Variants in FRY observed in about 807,000 individuals in gnomAD.
FRY encodes the protein protein furry homolog.
A neutral mutation model predicts 348.4 loss-of-function variants in FRY; 128 were observed. The ratio of observed to expected loss-of-function variants is 0.37; its 90% CI spans 0.32 to 0.43. The LOEUF (loss-of-function observed/expected upper bound fraction) is 0.43. Ranked by LOEUF, FRY falls within the 20% of genes least tolerant of loss-of-function variation. The probability of loss-of-function intolerance (pLI) is 1.00; values close to 1 mark genes in which losing one functional copy is unlikely to be tolerated. For missense variants in FRY, 2,736 were observed against 3,695.2 expected, an observed-to-expected ratio of 0.74 and a Z score of 6.73; for synonymous variants, 1,370 against 1,374.7, an observed-to-expected ratio of 1.00 and a Z score of 0.08.
chr13:32,268,743 C>G (rs1888072094), intron 55 of FRY, among the ~76,000 whole-genome samples: 1 of 151,690 alleles, frequency 6.6e-6, no homozygotes, highest in Non-Finnish European at 1.5e-5. Context: ...AGCATGATCT[C>G]AGCTCACTCT....
intron 56 of FRY, among the ~76,000 whole-genome samples, chr13:32,276,104 CTT>C (rs1320280685): frequency 6.6e-6 from 1 of 152,090 alleles, no homozygotes; most frequent in Non-Finnish European, 1.5e-5. Flanking sequence ...GTTTGAAAGT[CTT>C]TTTGGAGGTT....
chr13:32,247,446 A>G lies in FRY; in HGVS notation c.6952A>G (p.Ser2318Gly). 6.2e-7 allele frequency: 1 copy of G among 1,613,446 alleles called. No individual in the cohort carries two copies. The highest frequency in any genetic ancestry group is 8.5e-7 in the Non-Finnish European group (1 of 1,179,340). ...AATAGAAATACATCGAGTGTGGACT[A>G]GTGCTTCCAAGGAATTACCTGGGAA... ...SKIEIHRVWT[S>G]ASKELPGKTL... is the part of the protein sequence containing the mutation. Residue 2318 changes from serine (S) to glycine (G), a missense_variant, in exon 48 of 61, where the codon AGT becomes GGT. Transcript: ENST00000542859.
At chr13:32,055,567 T>C (rs1286537652) in intron 1 of FRY, among the ~76,000 whole-genome samples, 1 of 152,182 alleles carries the variant, frequency 6.6e-6, no homozygotes, top group African/African-American at 2.4e-5. Flanking sequence ...AGTCTGTACA[T>C]TTTATAAAGC....
intron 41 of FRY, among the ~76,000 whole-genome samples, chr13:32,232,295 A>G (rs941554318): frequency 6.6e-6 from 1 of 152,228 alleles, no homozygotes; most frequent in Non-Finnish European, 1.5e-5. Context: ...CTTGGAGGGT[A>G]CTTCAGGCTG....
rs535428329 is a variant in FRY at position 32,219,176 on chromosome 13, C to A, written c.4765+345C>A. 6.7e-5 allele frequency among the ~76,000 whole-genome samples: 10 copies of A among 150,070 alleles called. No individual in the cohort carries two copies. In the South Asian group the frequency reaches 1.9e-3, roughly 28 times the overall value. On this transcript the variant is annotated intron_variant, in intron 36 of 60. Transcript: ENST00000542859. The stretch of plus-strand genomic sequence containing the variant: ...CCATCTCAGCTCACTGCAAGCTCCG[C>A]CTTCTGGGTTCAAGTCATGTTCCTG...
chr13:32,113,459 A>T (rs1470096554), intron 3 of FRY, among the ~76,000 whole-genome samples: 1 of 152,226 alleles, frequency 6.6e-6, no homozygotes, highest in East Asian at 1.9e-4. Context: ...ATTTATACAT[A>T]AACTGCCAAA....
intron 36 of FRY, among the ~76,000 whole-genome samples, chr13:32,223,034 A>C (rs1438638637): frequency 2.6e-5 from 4 of 151,870 alleles, no homozygotes; most frequent in African/African-American, 9.7e-5. Context: ...GCTCACTGCA[A>C]CCTCCACATC....
At chr13:32,095,528 A>G (rs747478249) in intron 2 of FRY, among the ~76,000 whole-genome samples, 3 of 151,902 alleles carry the variant, frequency 2.0e-5, no homozygotes, top group Non-Finnish European at 4.4e-5. Context: ...TATTTTTGGT[A>G]GAGACGGGAT....
At chr13:32,060,996 G>C in intron 1 of FRY, 1 of 460,330 alleles carries the variant, frequency 2.2e-6, no homozygotes, top group East Asian at 6.6e-5. Flanking sequence ...GACACTTATG[G>C]TGGCAGTGAG....
In FRY at chr13:32,267,338, T is replaced by C; in HGVS notation, c.8115T>C (p.His2705=). 2 of 1,614,126 alleles carry C rather than the reference T, an allele frequency of 1.2e-6. No homozygotes were observed. Among genetic ancestry groups the C allele is most frequent in the Non-Finnish European group, 1.7e-6 (2 of 1,179,964 alleles). The stretch of plus-strand genomic sequence containing the variant: ...GCTCCTGTGCTGTGTATACATTTCA[T>C]GTGTTCTCCTCCTTGTTTAAGGTAT... ...SDGSCAVYTF[H]VFSSLFKNIQ... is the part of the protein sequence containing the mutation. The change falls in exon 55 of 61, where the codon CAT becomes CAC. Residue 2705 remains histidine, a synonymous_variant. Coordinates refer to ENST00000542859, the MANE Select transcript of FRY (RefSeq NM_023037.3).
intron 1 of FRY, among the ~76,000 whole-genome samples, chr13:32,042,664 A>T (rs1872806744): frequency 6.6e-6 from 1 of 152,132 alleles, no homozygotes; most frequent in African/African-American, 2.4e-5. Context: ...TTAAGTCAGG[A>T]AGGAAGGAGG....
At chr13:32,257,925 C>T (rs1887419758) in intron 51 of FRY, 1 of 1,581,588 alleles carries the variant, frequency 6.3e-7, no homozygotes. Flanking sequence ...GTAAATAGAC[C>T]TTTTGTTTGT....
chr13:32,264,029 G>A (rs533651861), intron 53 of FRY, among the ~76,000 whole-genome samples: 59 of 152,184 alleles, frequency 3.9e-4, no homozygotes, highest in African/African-American at 1.3e-3. Context: ...TAATACCTAC[G>A]TAATAGATCT....
intron 58 of FRY, 69 bp from the exon 59 acceptor site, chr13:32,289,564 G>A (rs543313414): frequency 4.7e-4 from 451 of 956,996 alleles, no homozygotes; most frequent in Middle Eastern, 1.7e-3. Flanking sequence ...TCTCCATTGA[G>A]ATTTCACTAG....
intron 49 of FRY, among the ~76,000 whole-genome samples, chr13:32,250,064 G>T (rs1177902040): frequency 6.6e-6 from 1 of 152,160 alleles, no homozygotes; most frequent in Non-Finnish European, 1.5e-5. Flanking sequence ...CTCCCAAAGG[G>T]TTGATAGGGC....
rs190039036 is a variant in FRY at position 32,227,896 on chromosome 13, T to C, written c.5207-560T>C. Among the ~76,000 whole-genome samples, 526 of 151,946 alleles carry C rather than the reference T, an allele frequency of 3.5e-3. 8 individuals are homozygous for C. The highest frequency in any genetic ancestry group is 0.012 in the African/African-American group (479 of 41,430). On this transcript the variant is annotated intron_variant, in intron 39 of 60. Coordinates refer to ENST00000542859, the MANE Select transcript of FRY (RefSeq NM_023037.3). ...CCTCCCGAGTAGCTGGGACTACAGG[T>C]GCCGACCACCACGCTCGGCTAATTT...
chr13:32,176,194 T>C (rs1207695447), intron 20 of FRY, among the ~76,000 whole-genome samples: 1 of 152,208 alleles, frequency 6.6e-6, no homozygotes, highest in Non-Finnish European at 1.5e-5. Flanking sequence ...CATTCTTCCT[T>C]TTTAAAAGCA....
chr13:32,263,460 G>T (rs1485130647), intron 53 of FRY, among the ~76,000 whole-genome samples: 1 of 152,060 alleles, frequency 6.6e-6, no homozygotes, highest in Non-Finnish European at 1.5e-5. Flanking sequence ...TTATTTCTAA[G>T]ATTGCCTCAT....
chr13:32,190,513 A>G (rs1011825842), intron 28 of FRY, among the ~76,000 whole-genome samples: 5 of 152,128 alleles, frequency 3.3e-5, no homozygotes, highest in African/African-American at 1.2e-4. Context: ...TCAGTACAGC[A>G]ACGATGGGGA....
Sources: gnomAD v4.1 joint callset for allele counts (sites outside exome capture counted in the v4.1 genomes callset) on GRCh38, gnomAD v4.1.1 for gene constraint, MANE v1.5 for transcripts, NCBI Gene and HGNC (gene_info 2026-07-23, HGNC 2026-07-21) for gene names.